The following TGFBRAP1 variants were observed in gnomAD, a reference collection of about 807,000 sequenced individuals.
The protein encoded by TGFBRAP1 is transforming growth factor beta receptor associated protein 1.
TGFBRAP1 carries 20 observed loss-of-function variants against 83.2 expected under a neutral mutation model. That is an observed-to-expected ratio of 0.24 (90% confidence interval 0.17 to 0.35). The LOEUF (loss-of-function observed/expected upper bound fraction) is 0.35. Ranked by LOEUF, TGFBRAP1 falls within the 10% of genes least tolerant of loss-of-function variation. TGFBRAP1 has a pLI of 1.00. For synonymous variants in TGFBRAP1, 415 were observed against 459.8 expected (o/e 0.90, Z 1.25); for missense variants, 950 against 1,099.4 (o/e 0.86, Z 1.92).
Position 105,273,590 on chromosome 2 carries a change from G to A in TGFBRAP1, c.1766C>T (p.Ala589Val), listed in dbSNP as rs1282529517. Residue 589 changes from alanine to valine, a missense_variant, in exon 9 of 12, where the codon GCC becomes GTC. Physicochemically the swap from Ala to Val is moderately conservative, Grantham distance 64 (BLOSUM62 0). Transcript: ENST00000393359. ...IINCLKKYPK[A>V]LVKYLEHLVI... is the part of the protein sequence containing the mutation. ...AAGATGTTCCAGATACTTCACAAGG[G>A]CTTTAGGGTATTTTTTAAGGCAATT... 1 of 1,614,048 alleles carries A rather than the reference G, an allele frequency of 6.2e-7. No individual in the cohort carries two copies. Among genetic ancestry groups the A allele is most frequent in the African/African-American group, 1.3e-5 (1 of 74,916 alleles).
chr2:105,306,103 C>A (rs1455842238), intron 2 of TGFBRAP1, among the ~76,000 whole-genome samples: 3 of 148,654 alleles, frequency 2.0e-5, no homozygotes, highest in African/African-American at 7.5e-5. Flanking sequence ...CCTCTTGCTG[C>A]CCAGGCTGGA....
chr2:105,289,656 C>A (rs998948186), intron 4 of TGFBRAP1, among the ~76,000 whole-genome samples: 2 of 152,248 alleles, frequency 1.3e-5, no homozygotes, highest in Admixed American at 6.5e-5. Context: ...GGCTGCACAG[C>A]GCTGCAGCAC....
At chr2:105,312,826 T>C (rs1327174345) in intron 1 of TGFBRAP1, among the ~76,000 whole-genome samples, 2 of 152,204 alleles carry the variant, frequency 1.3e-5, no homozygotes, top group South Asian at 2.1e-4. Context: ...AACTGATGAC[T>C]TTTGGCCGGG....
intron 1 of TGFBRAP1, among the ~76,000 whole-genome samples, chr2:105,325,571 A>C (rs1679203061): frequency 6.6e-6 from 1 of 152,118 alleles, no homozygotes; most frequent in Admixed American, 6.6e-5. Context: ...GGAGGCCACT[A>C]TGGTACTTAG....
At chr2:105,304,816 C>T (rs1262306595) in intron 2 of TGFBRAP1, among the ~76,000 whole-genome samples, 3 of 151,912 alleles carry the variant, frequency 2.0e-5, no homozygotes, top group African/African-American at 4.8e-5. Context: ...TATGACTAAG[C>T]GAAAGAAGCC....
At chr2:105,322,521 C>CT (rs1022778246) in intron 1 of TGFBRAP1, among the ~76,000 whole-genome samples, 4 of 152,076 alleles carry the variant, frequency 2.6e-5, no homozygotes, top group African/African-American at 9.7e-5. Flanking sequence ...CAGGTGGACC[C>CT]TTTTTTTAGT....
intron 6 of TGFBRAP1, among the ~76,000 whole-genome samples, chr2:105,280,053 TAA>T (rs1188904900): frequency 7.6e-5 from 10 of 131,886 alleles, no homozygotes; most frequent in Admixed American, 7.5e-5. Context: ...AAATAGTCAT[TAA>T]AAAAAAAAAA....
At chr2:105,298,427 G>T in intron 3 of TGFBRAP1, 84 bp downstream of exon 3, 1 of 1,426,714 alleles carries the variant, frequency 7.0e-7, no homozygotes, top group Non-Finnish European at 9.5e-7. Context: ...TTAGCGCAAG[G>T]CCCAGTTCCT....
intron 3 of TGFBRAP1, among the ~76,000 whole-genome samples, 155 bp from the exon 4 acceptor site, chr2:105,296,665 C>T (rs866164665): frequency 2.6e-5 from 4 of 151,090 alleles, no homozygotes; most frequent in South Asian, 4.2e-4. Context: ...AATTATAATG[C>T]TTTTCTTTTT....
At chr2:105,325,958 G>A (rs554452401) in intron 1 of TGFBRAP1, among the ~76,000 whole-genome samples, 21 of 151,988 alleles carry the variant, frequency 1.4e-4, no homozygotes, top group Non-Finnish European at 2.5e-4. Context: ...TTGCACTCAT[G>A]CAACAGAGAC....
At chr2:105,310,754 C>A (rs1327332002) in intron 1 of TGFBRAP1, among the ~76,000 whole-genome samples, 1 of 152,110 alleles carries the variant, frequency 6.6e-6, no homozygotes, top group African/African-American at 2.4e-5. Flanking sequence ...CATTTAAGAG[C>A]TAATGAGTAA....
chr2:105,306,910 C>A (rs1678518663), intron 2 of TGFBRAP1, among the ~76,000 whole-genome samples: 1 of 152,070 alleles, frequency 6.6e-6, no homozygotes, highest in African/African-American at 2.4e-5. Flanking sequence ...ATGGACCTAA[C>A]CGCTGTACAA....
downstream of TGFBRAP1, among the ~76,000 whole-genome samples, chr2:105,259,601 G>T (rs528542636): frequency 6.6e-6 from 1 of 152,290 alleles, no homozygotes; most frequent in South Asian, 2.1e-4. Context: ...ATGAAGAGGG[G>T]TTGGGAAAAA....
chr2:105,280,163 C>T (rs762409780), intron 6 of TGFBRAP1, among the ~76,000 whole-genome samples: 27 of 152,210 alleles, frequency 1.8e-4, no homozygotes, highest in Non-Finnish European at 3.1e-4. Flanking sequence ...AAATGCCCTC[C>T]AAGACCCCTT....
chr2:105,316,695 T>C (rs1302378800), intron 1 of TGFBRAP1, among the ~76,000 whole-genome samples: 1 of 151,834 alleles, frequency 6.6e-6, no homozygotes, highest in Non-Finnish European at 1.5e-5. Flanking sequence ...ACACCTGTAG[T>C]CCCAGCTTCT....
Position 105,275,640 on chromosome 2 carries a change from T to C in TGFBRAP1, c.1585A>G (p.Ile529Val), listed in dbSNP as rs1358069884. ...DSTRSDLYEY[I>V]VDFLTYCLDE... The stretch of plus-strand genomic sequence containing the variant: ...AAGCAGTAGGTAAGAAAATCCACGA[T>C]GTATTCATACAGGTCTGAGCGTGTG... The change falls in exon 8 of 12, where the codon ATC (isoleucine) becomes GTC (valine). Residue 529 changes from isoleucine to valine, a missense_variant. Transcript: ENST00000393359. 3 of 1,612,194 alleles carry C rather than the reference T, an allele frequency of 1.9e-6. No homozygotes were observed. The highest frequency in any genetic ancestry group is 1.7e-6 in the Non-Finnish European group (2 of 1,178,288).
intron 6 of TGFBRAP1, among the ~76,000 whole-genome samples, chr2:105,279,662 C>G (rs79170628): frequency 6.6e-6 from 1 of 152,096 alleles, no homozygotes; most frequent in Non-Finnish European, 1.5e-5. Flanking sequence ...TTGTCAGTAA[C>G]TAAAATGCAC....
chr2:105,262,649 G>A (rs1414749431), downstream of TGFBRAP1, among the ~76,000 whole-genome samples: 1 of 152,184 alleles, frequency 6.6e-6, no homozygotes, highest in African/African-American at 2.4e-5. Flanking sequence ...AGAAGCCCAC[G>A]CTCCCGACAC....
chr2:105,267,336 G>A lies in TGFBRAP1; in HGVS notation c.*47C>T, dbSNP rs1165884206. ...GTCATCTGCTCTTCATGTCCAGCAG[G>A]CTCAGAAAGAACTCGGAGTTCCCCT... On this transcript the variant is annotated 3_prime_UTR_variant, in exon 12 of 12. Coordinates refer to ENST00000393359, the MANE Select transcript of TGFBRAP1 (RefSeq NM_004257.6). The A allele has an allele frequency of 6.2e-7, 1 of 1,605,112 alleles. No homozygotes were observed. The highest frequency in any genetic ancestry group is 1.1e-5 in the South Asian group (1 of 90,212).
Sources: allele counts gnomAD v4.1 joint callset (sites outside exome capture counted in the v4.1 genomes callset), GRCh38; gene constraint gnomAD v4.1.1; transcripts MANE v1.5; gene names NCBI Gene and HGNC (gene_info 2026-07-23, HGNC 2026-07-21).